Variants in HSD17B11 observed in about 807,000 individuals in gnomAD.
The protein encoded by HSD17B11 is hydroxysteroid 17-beta dehydrogenase 11.
HSD17B11 carries 22 observed loss-of-function variants against 27.8 expected under a neutral mutation model. The ratio of observed to expected loss-of-function variants is 0.79; its 90% CI spans 0.56 to 1.13. The LOEUF is 1.13. Among genes scored for constraint, HSD17B11 ranks in the 50% most tolerant of loss-of-function variants. The pLI is 0.00. For synonymous variants in HSD17B11, 117 were observed against 132.8 expected (o/e 0.88, Z 0.82); for missense variants, 314 against 351.1 (o/e 0.89, Z 0.84).
chr4:87,354,728 A>T (rs1217210157), intron 5 of HSD17B11, among the ~76,000 whole-genome samples: 1 of 152,046 alleles, frequency 6.6e-6, no homozygotes, highest in African/African-American at 2.4e-5. Context: ...GCCACACTGA[A>T]TATTTTTCAT....
Position 87,391,127 on chromosome 4 carries a change from T to C in HSD17B11, c.-57A>G. 1 of 1,327,312 alleles carries C rather than the reference T, an allele frequency of 7.5e-7. No individual in the cohort carries two copies. The highest frequency in any genetic ancestry group is 1.3e-5 in the South Asian group (1 of 77,166). 82.2% of individuals were successfully genotyped at this position (1,327,312 alleles called of 1,614,324 possible). A position where few individuals can be genotyped will look rare whatever the true frequency, so the allele number is the denominator to read the frequency against. ...TTTTTTTTTTTTTACCACTCTAAAC[T>C]GCTTTTAGAGGGTAGCTCGATCTAA... On this transcript the variant is annotated 5_prime_UTR_variant, in exon 1 of 7. Coordinates refer to ENST00000358290, the MANE Select transcript of HSD17B11 (RefSeq NM_016245.5).
rs541570978 is a variant in HSD17B11, at chr4:87,365,288, T to C, written c.557+7421A>G. On this transcript the variant is annotated intron_variant, in intron 4 of 6. Transcript: ENST00000358290. ...ACTTAGAAAAGTAAGTGCGTAAATA[T>C]TTTTTCAGAAAAATAGAAACTAATG... is the stretch of plus-strand genomic sequence containing the variant. 3.3e-5 allele frequency among the ~76,000 whole-genome samples: 5 copies of C among 152,362 alleles called. No homozygotes were observed. The South Asian group carries it at 1.0e-3, about 32-fold the overall frequency.
intron 4 of HSD17B11, among the ~76,000 whole-genome samples, chr4:87,363,742 C>T (rs542176909): frequency 2.6e-5 from 4 of 152,220 alleles, no homozygotes; most frequent in South Asian, 4.1e-4. Flanking sequence ...GAAATAGACA[C>T]TGCCCAGACC....
Position 87,337,121 on chromosome 4 carries a change from A to G in HSD17B11, c.*155T>C. ...TATGTAATCAGCTTTTGGCTAAAGA[A>G]CAAGTGGTAGTAAATGAAGACTGCC... is the stretch of plus-strand genomic sequence containing the variant. On this transcript the variant is annotated 3_prime_UTR_variant, in exon 7 of 7. Transcript: ENST00000358290. 6.1e-6 allele frequency: 4 copies of G among 657,084 alleles called. No individual in the cohort carries two copies. Among genetic ancestry groups the G allele is most frequent in the Non-Finnish European group, 1.1e-5 (4 of 366,186 alleles). The allele number at this position is 657,084 out of a possible 1,614,324, so 40.7% of individuals were successfully genotyped here.
intron 5 of HSD17B11, among the ~76,000 whole-genome samples, chr4:87,343,854 C>T (rs1735219187): frequency 6.6e-6 from 1 of 152,044 alleles, no homozygotes. Flanking sequence ...GGCCTCAACT[C>T]TTTAAATCTC....
chr4:87,357,510 C>G (rs1459943988), intron 4 of HSD17B11, 94 bp from the exon 5 acceptor site: 3 of 1,201,972 alleles, frequency 2.5e-6, no homozygotes, highest in Non-Finnish European at 3.4e-6. Context: ...GCAATGTGGG[C>G]ATTCCCTGAG....
rs2110117308 is a variant in HSD17B11, at chr4:87,357,371, A to G, written c.603T>C (p.Asp201=). Residue 201 remains aspartate (D), a synonymous_variant, in exon 5 of 7, where the codon GAT becomes GAC. Transcript: ENST00000358290. The part of the protein sequence containing the change: ...AAVGFHKTLT[D]ELAALQITGV... ...CAGTTATTTGTAAGGCAGCCAGTTC[A>G]TCTGTCAAAGTTTTATGAAATCCAA... The G allele has an allele frequency of 1.2e-6, 2 of 1,613,840 alleles. No homozygotes were observed. The highest frequency in any genetic ancestry group is 4.5e-5 in the East Asian group (2 of 44,878).
chr4:87,365,721 G>A (rs965087076), intron 4 of HSD17B11, among the ~76,000 whole-genome samples: 4 of 146,184 alleles, frequency 2.7e-5, no homozygotes, highest in Non-Finnish European at 4.5e-5. Context: ...CATGCAAGGT[G>A]TATAAAAAAG....
Position 87,372,038 on chromosome 4 carries a change from C to T in HSD17B11, c.557+671G>A, listed in dbSNP as rs564383373. ...CGGGCGGATCACGAGGTCAGGAGAT[C>T]GAGACCATCCTGGCTAACACAGTGA... On this transcript the variant is annotated intron_variant, in intron 4 of 6. Coordinates refer to ENST00000358290, the MANE Select transcript of HSD17B11 (RefSeq NM_016245.5). 8.4e-4 allele frequency among the ~76,000 whole-genome samples: 128 copies of T among 152,074 alleles called. No homozygotes were observed. In the South Asian group the frequency reaches 9.3e-3, roughly 11 times the overall value.
chr4:87,388,983 A>G (rs28696943), intron 1 of HSD17B11, among the ~76,000 whole-genome samples: 22,662 of 152,204 alleles, frequency 0.15, 1,768 homozygotes, highest in East Asian at 0.23. Context: ...AATGCTTTGT[A>G]TGCATTATCT....
At chr4:87,357,948 AATT>A (rs1257450958) in intron 4 of HSD17B11, among the ~76,000 whole-genome samples, 27 of 97,390 alleles carry the variant, frequency 2.8e-4, no homozygotes, top group South Asian at 9.3e-4. Context: ...TCATTAGAGA[AATT>A]TTTTTTTTTT....
chr4:87,384,855 C>T (rs1458430428), intron 1 of HSD17B11, among the ~76,000 whole-genome samples: 1 of 151,982 alleles, frequency 6.6e-6, no homozygotes, highest in Non-Finnish European at 1.5e-5. Context: ...GTACCTACTC[C>T]CTGTTCTTAC....
At chr4:87,345,134 C>G (rs1735246510) in intron 5 of HSD17B11, 1 of 152,176 alleles carries the variant, frequency 6.6e-6, no homozygotes, top group Admixed American at 6.6e-5. Context: ...AGTGTGGTGG[C>G]ACGCACCTGT....
chr4:87,353,458 T>C (rs553135369), intron 5 of HSD17B11, among the ~76,000 whole-genome samples: 9 of 152,358 alleles, frequency 5.9e-5, no homozygotes, highest in African/African-American at 1.9e-4. Flanking sequence ...AGTTTCTATA[T>C]TAAAACCAAC....
chr4:87,378,552 C>T (rs7696417), intron 2 of HSD17B11, among the ~76,000 whole-genome samples: 8,568 of 150,926 alleles, frequency 0.057, 830 homozygotes, highest in African/African-American at 0.2. Flanking sequence ...TTTTTACTAA[C>T]AAAAAATTCT....
At position 87,374,716 on chromosome 4, in the gene HSD17B11, C is replaced by G. The variant is rs780970305; in HGVS notation, c.433G>C (p.Val145Leu). The G allele has an allele frequency of 6.2e-7, 1 of 1,605,148 alleles. No homozygotes were observed. Among genetic ancestry groups the G allele is most frequent in the Non-Finnish European group, 8.5e-7 (1 of 1,177,950 alleles). The stretch of plus-strand genomic sequence containing the variant: ...ATACTCACCCAGAAATGTGCAAGTA[C>G]ATTAACTTCAAAAGTCTTTTCAATC... ...PQIEKTFEVNVLAHFWTTKAF... is the reference protein window; with the variant it reads ...PQIEKTFEVNLLAHFWTTKAF... The change falls in exon 3 of 7, where the codon GTA becomes CTA. Residue 145 changes from valine (V) to leucine (L), a missense_variant. Val to Leu is a conservative substitution (Grantham distance 32). Coordinates refer to ENST00000358290, the MANE Select transcript of HSD17B11 (RefSeq NM_016245.5).
chr4:87,356,716 A>G (rs1735394305), intron 5 of HSD17B11, among the ~76,000 whole-genome samples: 1 of 152,240 alleles, frequency 6.6e-6, no homozygotes, highest in Non-Finnish European at 1.5e-5. Context: ...AACATTAAAA[A>G]TTATCTTCAA....
chr4:87,378,052 G>A (rs1359268065), intron 2 of HSD17B11, among the ~76,000 whole-genome samples: 2 of 152,122 alleles, frequency 1.3e-5, no homozygotes, highest in Non-Finnish European at 2.9e-5. Flanking sequence ...CCCAAGACAA[G>A]CCACCCCAAA....
intron 5 of HSD17B11, among the ~76,000 whole-genome samples, chr4:87,343,302 CATT>C (rs1560758087): frequency 1.3e-5 from 2 of 152,110 alleles, no homozygotes; most frequent in African/African-American, 4.8e-5. Context: ...TATGTGGAAA[CATT>C]TTTTTTCCCA....
Sources: gnomAD v4.1 joint callset for allele counts (sites outside exome capture counted in the v4.1 genomes callset) on GRCh38, gnomAD v4.1.1 for gene constraint, MANE v1.5 for transcripts, NCBI Gene and HGNC (gene_info 2026-07-23, HGNC 2026-07-21) for gene names.